The following ATP9B variants were observed in gnomAD, a reference collection of about 807,000 sequenced individuals.
The protein encoded by ATP9B is probable phospholipid-transporting ATPase IIB.
Under a neutral mutation model 146.1 loss-of-function variants are expected in ATP9B, and 110 were observed. The ratio of observed to expected loss-of-function variants is 0.75; its 90% confidence interval spans 0.65 to 0.88. ATP9B has a LOEUF of 0.88. Among genes scored for constraint, ATP9B ranks in the 40% least tolerant of loss-of-function variants. The pLI, the probability that ATP9B is intolerant of heterozygous loss-of-function variation, is 0.00. For missense variants in ATP9B, 1,499 were observed against 1,496.4 expected (o/e 1.00, Z -0.03); for synonymous variants, 604 against 569.7 (o/e 1.06, Z -0.86).
intron 13 of ATP9B, among the ~76,000 whole-genome samples, chr18:79,302,324 T>A (rs1245253911): frequency 3.3e-5 from 5 of 149,778 alleles, no homozygotes; most frequent in Non-Finnish European, 7.4e-5. Flanking sequence ...CGTTGTGAAA[T>A]AAGTGCACAC....
chr18:79,135,626 A>G (rs1568250478), intron 5 of ATP9B, among the ~76,000 whole-genome samples: 1 of 152,092 alleles, frequency 6.6e-6, no homozygotes, highest in Admixed American at 6.5e-5. Flanking sequence ...TACCATTCCT[A>G]GCCCCTTCGA....
At chr18:79,233,055 T>A (rs1383898701) in intron 11 of ATP9B, among the ~76,000 whole-genome samples, 2 of 150,832 alleles carry the variant, frequency 1.3e-5, no homozygotes, top group Non-Finnish European at 3.0e-5. Flanking sequence ...ACTTTGGGAG[T>A]TCAAGGTGGG....
rs1555689295 is a variant in ATP9B at position 79,118,390 on chromosome 18, G to GGTTTTTTTTTTTTTTTTTTTTTTTT, written c.558+5036_558+5037insGTTTTTTTTTTTTTTTTTTTTTTTT. 4.3e-5 allele frequency among the ~76,000 whole-genome samples: 4 copies of GGTTTTTTTTTTTTTTTTTTTTTTTT among 93,238 alleles called. 2 individuals carry two copies. Among genetic ancestry groups the GGTTTTTTTTTTTTTTTTTTTTTTTT allele is most frequent in the Non-Finnish European group, 8.7e-5 (4 of 46,064 alleles). The allele number at this position is 93,238 out of a possible 152,430, so 61.2% of individuals were successfully genotyped here. ...AAACACAATCATATTGAACGTTTTT[G>GGTTTTTTTTTTTTTTTTTTTTTTTT]TTTTTTTTTTTTTTTTTTTTTTTTT... On this transcript the variant is annotated intron_variant, in intron 4 of 29. Transcript: ENST00000426216.
chr18:79,121,787 T>C (rs540748436), intron 4 of ATP9B, among the ~76,000 whole-genome samples: 41 of 152,358 alleles, frequency 2.7e-4, no homozygotes, highest in Non-Finnish European at 4.7e-4. Flanking sequence ...CTAATAGTCC[T>C]TGCCTGTGAC....
chr18:79,345,709 A>G, intron 22 of ATP9B, 66 bp from the exon 23 acceptor site: 3 of 1,607,288 alleles, frequency 1.9e-6, no homozygotes, highest in African/African-American at 1.3e-5. Flanking sequence ...ATAGCTTCTG[A>G]TGGTAAAAAT....
chr18:79,277,320 A>G, intron 13 of ATP9B, 124 bp downstream of exon 13: 1 of 1,252,548 alleles, frequency 8.0e-7, no homozygotes, highest in Non-Finnish European at 1.1e-6. Context: ...CAGATCATTG[A>G]ATCCATATTT....
At position 79,297,082 on chromosome 18, in the gene ATP9B, G is replaced by A. The variant is rs146894173; in HGVS notation, c.1412-6522G>A. Among the ~76,000 whole-genome samples the A allele has an allele frequency of 2.5e-3, 358 of 142,990 alleles. 1 individual carries two copies. The highest frequency in any genetic ancestry group is 7.1e-3 in the South Asian group (31 of 4,386). 93.8% of individuals were successfully genotyped at this position (142,990 alleles called of 152,430 possible). ...AGAAGACAGAGAGATGACCCAGAGA[G>A]GAGACACAGACGACCCAGAGAGAAG... On this transcript the variant is annotated intron_variant, in intron 13 of 29. Transcript: ENST00000426216.
chr18:79,376,197 ACACACACACACAC>A (rs2097101151), intron 29 of ATP9B: 26 of 969,002 alleles, frequency 2.7e-5, no homozygotes, highest in Non-Finnish European at 3.2e-5. Context: ...ACACACACAC[ACACACACACACAC>A]ACACAAAACA....
intron 29 of ATP9B, chr18:79,376,407 G>A (rs1050769928): frequency 1.8e-6 from 1 of 559,702 alleles, no homozygotes; most frequent in Admixed American, 1.3e-4. Flanking sequence ...TTTTTTTTTT[G>A]AGACGAAGTC....
At chr18:79,149,220 A>G (rs2094642920) in intron 6 of ATP9B, among the ~76,000 whole-genome samples, 1 of 152,160 alleles carries the variant, frequency 6.6e-6, no homozygotes, top group Admixed American at 6.5e-5. Context: ...AGCTAAACCA[A>G]CTTTGACAAG....
intron 6 of ATP9B, among the ~76,000 whole-genome samples, chr18:79,148,678 T>C (rs569789428): frequency 1.3e-5 from 2 of 152,314 alleles, no homozygotes; most frequent in South Asian, 4.1e-4. Context: ...GGATGTTTGC[T>C]GTTACTGTTA....
chr18:79,193,033 A>G (rs1268496288), intron 8 of ATP9B, 150 bp from the exon 9 acceptor site: 2 of 637,836 alleles, frequency 3.1e-6, no homozygotes, highest in Non-Finnish European at 5.3e-6. Flanking sequence ...TGACATTCTA[A>G]TTTATAGTGT....
intron 26 of ATP9B, chr18:79,361,646 G>A (rs529026975): frequency 1.4e-4 from 44 of 318,750 alleles, no homozygotes; most frequent in African/African-American, 9.0e-4. Context: ...AAAGAAAATA[G>A]CACTAAAGTA....
chr18:79,155,799 G>A (rs1243135007), intron 7 of ATP9B, among the ~76,000 whole-genome samples: 2 of 114,064 alleles, frequency 1.8e-5, no homozygotes, highest in Non-Finnish European at 3.2e-5. Flanking sequence ...GTCTCGCTCT[G>A]TCGCCCAGGC....
chr18:79,196,418 A>G (rs566455817), intron 9 of ATP9B, among the ~76,000 whole-genome samples: 1 of 152,358 alleles, frequency 6.6e-6, no homozygotes, highest in East Asian at 1.9e-4. Context: ...GGTACAGTGT[A>G]TATGAATTTT....
At chr18:79,283,981 C>T (rs2096406762) in intron 13 of ATP9B, among the ~76,000 whole-genome samples, 1 of 152,164 alleles carries the variant, frequency 6.6e-6, no homozygotes, top group Non-Finnish European at 1.5e-5. Context: ...TAGAACAAAG[C>T]CGTTACTAAA....
intron 6 of ATP9B, among the ~76,000 whole-genome samples, chr18:79,152,628 C>G (rs2094708416): frequency 6.6e-6 from 1 of 152,126 alleles, no homozygotes; most frequent in Non-Finnish European, 1.5e-5. Context: ...GACGACAATT[C>G]AGTGGGGAAA....
intron 2 of ATP9B, among the ~76,000 whole-genome samples, chr18:79,106,219 C>T (rs1033521087): frequency 3.3e-5 from 5 of 152,176 alleles, no homozygotes; most frequent in South Asian, 2.1e-4. Flanking sequence ...AACTATTTCG[C>T]GTACATAGAA....
chr18:79,283,419 C>T (rs1003581830), intron 13 of ATP9B, among the ~76,000 whole-genome samples: 15 of 152,188 alleles, frequency 9.9e-5, no homozygotes, highest in African/African-American at 3.4e-4. Context: ...GGTGGTCCTT[C>T]GCAGGAGTGT....
Sources: gnomAD v4.1 joint callset for allele counts (sites outside exome capture counted in the v4.1 genomes callset) on GRCh38, gnomAD v4.1.1 for gene constraint, MANE v1.5 for transcripts, NCBI Gene and HGNC (gene_info 2026-07-23, HGNC 2026-07-21) for gene names.